Variants in PAN3 observed in about 807,000 individuals in gnomAD.
PAN3 encodes PAN2-PAN3 deadenylation complex subunit PAN3.
PAN3 carries 19 observed loss-of-function variants against 96.2 expected under a neutral mutation model. The observed-to-expected ratio is 0.20, with a 90% CI of 0.14 to 0.29. PAN3 has a LOEUF of 0.29. Among genes scored for constraint, PAN3 ranks in the 10% least tolerant of loss-of-function variants. The pLI, the probability that PAN3 is intolerant of heterozygous loss-of-function variation, is 1.00. For missense variants in PAN3, 882 were observed against 1,108.1 expected (o/e 0.80, Z 2.90); for synonymous variants, 433 against 406.6 (o/e 1.06, Z -0.78).
intron 6 of PAN3, among the ~76,000 whole-genome samples, chr13:28,252,777 CA>C (rs949258535): frequency 7.3e-5 from 11 of 151,720 alleles, no homozygotes; most frequent in African/African-American, 2.7e-4. Flanking sequence ...AAAAAAAATA[CA>C]AAAAATGAAA....
At chr13:28,201,041 C>CTT (rs762515814) in intron 5 of PAN3, among the ~76,000 whole-genome samples, 87 of 144,972 alleles carry the variant, frequency 6.0e-4, no homozygotes, top group African/African-American at 2.2e-3. Flanking sequence ...CTCTCTCTCT[C>CTT]TTTTTTTTTT....
chr13:28,263,153 G>T (rs1007417917), intron 9 of PAN3, among the ~76,000 whole-genome samples: 1 of 152,194 alleles, frequency 6.6e-6, no homozygotes, highest in African/African-American at 2.4e-5. Flanking sequence ...ATTTGTTTGT[G>T]TATTAGGGAA....
At chr13:28,184,635 A>G (rs1876231035) in intron 4 of PAN3, among the ~76,000 whole-genome samples, 2 of 152,232 alleles carry the variant, frequency 1.3e-5, no homozygotes, top group African/African-American at 4.8e-5. Context: ...GAAATGTAGC[A>G]CAAATTATAT....
At chr13:28,274,877 A>G (rs1207191974) in intron 14 of PAN3, among the ~76,000 whole-genome samples, 3 of 152,240 alleles carry the variant, frequency 2.0e-5, no homozygotes, top group African/African-American at 4.8e-5. Flanking sequence ...AAGAGGATAC[A>G]TGAGGAGTGC....
chr13:28,139,287 GA>G (rs1869276863), intron 1 of PAN3, among the ~76,000 whole-genome samples, 200 bp downstream of exon 1: 1 of 150,906 alleles, frequency 6.6e-6, no homozygotes. Context: ...GCAAGTCGGA[GA>G]GCGCGGGGAG....
chr13:28,210,205 CTT>C (rs1341605190), intron 5 of PAN3, among the ~76,000 whole-genome samples: 3 of 152,158 alleles, frequency 2.0e-5, no homozygotes, highest in Non-Finnish European at 4.4e-5. Flanking sequence ...TAACAACTGT[CTT>C]TGGAAATTTA....
intron 1 of PAN3, among the ~76,000 whole-genome samples, chr13:28,146,646 T>C (rs1020696996): frequency 2.0e-5 from 3 of 152,142 alleles, no homozygotes; most frequent in Non-Finnish European, 2.9e-5. Context: ...CTGAATACTT[T>C]AGGCAGTGGT....
intron 12 of PAN3, among the ~76,000 whole-genome samples, chr13:28,268,045 C>G (rs1233976477): frequency 2.6e-5 from 4 of 152,084 alleles, no homozygotes; most frequent in African/African-American, 9.7e-5. Context: ...TTGTTTTTCT[C>G]TTTAAAATGT....
intron 5 of PAN3, among the ~76,000 whole-genome samples, chr13:28,216,128 G>A (rs772522378): frequency 6.7e-6 from 1 of 149,090 alleles, no homozygotes; most frequent in East Asian, 2.0e-4. Context: ...AAATCAGTAC[G>A]TTTTAATGGA....
In PAN3 at chr13:28,220,212, A is replaced by G. The variant is rs575541916; in HGVS notation, c.853-19A>G. On this transcript the variant is annotated intron_variant, in intron 5 of 18. Transcript: ENST00000380958. ...TCGGCTTAAAGTGTGTTAACTTACT[A>G]TATTTGATTTTTAAATAGACACCAA... is the stretch of plus-strand genomic sequence containing the variant. 8 of 1,608,976 alleles carry G rather than the reference A, an allele frequency of 5.0e-6. No individual in the cohort carries two copies. Among genetic ancestry groups the G allele is most frequent in the African/African-American group, 2.7e-5 (2 of 74,898 alleles).
intron 1 of PAN3, among the ~76,000 whole-genome samples, chr13:28,149,343 T>G (rs930602767): frequency 1.3e-5 from 2 of 152,068 alleles, no homozygotes; most frequent in Non-Finnish European, 2.9e-5. Flanking sequence ...AGCAAGACCC[T>G]GTCTCCACAA....
chr13:28,278,020 A>G (rs556925733), intron 15 of PAN3, among the ~76,000 whole-genome samples: 6 of 152,380 alleles, frequency 3.9e-5, no homozygotes, highest in Admixed American at 1.3e-4. Flanking sequence ...TCTCCGTAAG[A>G]TATAGCTACT....
intron 1 of PAN3, among the ~76,000 whole-genome samples, chr13:28,168,455 A>G (rs1873865217): frequency 1.3e-5 from 2 of 152,166 alleles, no homozygotes; most frequent in Non-Finnish European, 2.9e-5. Flanking sequence ...ACAGTGGCTC[A>G]TGCCTATAAT....
At chr13:28,267,925 G>GA (rs1886319392) in intron 12 of PAN3, among the ~76,000 whole-genome samples, 1 of 152,166 alleles carries the variant, frequency 6.6e-6, no homozygotes, top group Non-Finnish European at 1.5e-5. Flanking sequence ...AAGAAATGGA[G>GA]ATGATGGTCA....
intron 6 of PAN3, among the ~76,000 whole-genome samples, chr13:28,226,602 A>G (rs1882024422): frequency 6.6e-6 from 1 of 152,120 alleles, no homozygotes; most frequent in Non-Finnish European, 1.5e-5. Flanking sequence ...TTTGTCTTGG[A>G]AAATAATTTT....
chr13:28,274,365 A>G (rs906113066), intron 14 of PAN3, among the ~76,000 whole-genome samples: 18 of 152,132 alleles, frequency 1.2e-4, no homozygotes, highest in Non-Finnish European at 2.2e-4. Flanking sequence ...GACTGTTAAA[A>G]TATTAGTGAA....
chr13:28,144,967 C>G (rs1363696808), intron 1 of PAN3, among the ~76,000 whole-genome samples: 1 of 152,038 alleles, frequency 6.6e-6, no homozygotes, highest in Non-Finnish European at 1.5e-5. Flanking sequence ...ATCCACCTGC[C>G]TCAGCCTCCG....
At chr13:28,268,106 C>G (rs1886336681) in intron 12 of PAN3, among the ~76,000 whole-genome samples, 1 of 152,010 alleles carries the variant, frequency 6.6e-6, no homozygotes, top group East Asian at 1.9e-4. Context: ...TTGGAAAATT[C>G]AATAGCTTAG....
rs762515814 is a variant in PAN3 at position 28,201,041 on chromosome 13, C to CT, written c.852+3707dup. 3.9e-3 allele frequency among the ~76,000 whole-genome samples: 572 copies of CT among 144,842 alleles called. 4 individuals are homozygous for CT. Among genetic ancestry groups the CT allele is most frequent in the African/African-American group, 0.012 (474 of 39,814 alleles). ...TGAAACTCTCTCTGTCTCTCTCTCT[C>CT]TTTTTTTTTTTTCGAGACAGGGTCT... is the stretch of plus-strand genomic sequence containing the variant. On this transcript the variant is annotated intron_variant, in intron 5 of 18. Coordinates refer to ENST00000380958, the MANE Select transcript of PAN3 (RefSeq NM_175854.8).
Sources: gnomAD v4.1 joint callset for allele counts (sites outside exome capture counted in the v4.1 genomes callset) on GRCh38, gnomAD v4.1.1 for gene constraint, MANE v1.5 for transcripts, NCBI Gene and HGNC (gene_info 2026-07-23, HGNC 2026-07-21) for gene names.